Variants in GRM8 observed in about 807,000 individuals in gnomAD.
GRM8 encodes the protein metabotropic glutamate receptor 8.
GRM8 carries 47 observed loss-of-function variants against 87.2 expected under a neutral mutation model. That is an observed-to-expected ratio of 0.54 (90% CI 0.43 to 0.69). The LOEUF (loss-of-function observed/expected upper bound fraction) is 0.69. Ranked by LOEUF, GRM8 falls within the 30% of genes least tolerant of loss-of-function variation. The pLI is 0.00. For missense variants in GRM8, 1,019 were observed against 1,139.2 expected, an observed-to-expected ratio of 0.89 and a Z score of 1.52; for synonymous variants, 396 against 404.5, an observed-to-expected ratio of 0.98 and a Z score of 0.25.
At chr7:126,728,149 G>A (rs548962086) in intron 7 of GRM8, among the ~76,000 whole-genome samples, 154 of 152,170 alleles carry the variant, frequency 1.0e-3, no homozygotes, top group African/African-American at 3.6e-3. Context: ...TATCCGCCAC[G>A]CACCCTCCCC....
At chr7:127,035,391 T>C (rs747467578) in intron 3 of GRM8, among the ~76,000 whole-genome samples, 3 of 152,146 alleles carry the variant, frequency 2.0e-5, no homozygotes, top group Admixed American at 6.5e-5. Context: ...GTAGTTTGCA[T>C]AAATTAACCA....
chr7:126,885,501 T>C (rs1800405606), intron 6 of GRM8, among the ~76,000 whole-genome samples: 1 of 151,750 alleles, frequency 6.6e-6, no homozygotes, highest in Non-Finnish European at 1.5e-5. Flanking sequence ...GTCAGGAGAG[T>C]TCCCTAGCCA....
intron 9 of GRM8, among the ~76,000 whole-genome samples, chr7:126,465,003 A>G (rs1394502823): frequency 6.6e-6 from 1 of 151,664 alleles, no homozygotes; most frequent in Non-Finnish European, 1.5e-5. Flanking sequence ...TTGCACTTTC[A>G]GATTATTTTT....
At chr7:126,867,846 A>G (rs1003927872) in intron 6 of GRM8, among the ~76,000 whole-genome samples, 2 of 152,230 alleles carry the variant, frequency 1.3e-5, no homozygotes, top group African/African-American at 2.4e-5. Context: ...AGTGGGATTC[A>G]AGCAAAGTAA....
chr7:127,093,786 AAT>A (rs1222424373), intron 3 of GRM8, among the ~76,000 whole-genome samples: 4 of 152,198 alleles, frequency 2.6e-5, no homozygotes, highest in Non-Finnish European at 5.9e-5. Context: ...TGGGACCCCC[AAT>A]GAATCATGAA....
At chr7:126,838,103 A>C (rs1246230231) in intron 6 of GRM8, among the ~76,000 whole-genome samples, 1 of 152,230 alleles carries the variant, frequency 6.6e-6, no homozygotes, top group Non-Finnish European at 1.5e-5. Flanking sequence ...CCTTAAACAC[A>C]CTAATCTTAA....
intron 7 of GRM8, among the ~76,000 whole-genome samples, chr7:126,612,537 C>A (rs1021603361): frequency 6.6e-6 from 1 of 152,172 alleles, no homozygotes; most frequent in African/African-American, 2.4e-5. Flanking sequence ...TCCTAACATG[C>A]AATATCGAAG....
chr7:126,896,533 G>A (rs1448113141), intron 6 of GRM8, among the ~76,000 whole-genome samples: 3 of 152,030 alleles, frequency 2.0e-5, no homozygotes, highest in Admixed American at 6.6e-5. Context: ...GAGTGAATAC[G>A]GGAGAGCTTA....
intron 2 of GRM8, among the ~76,000 whole-genome samples, chr7:127,118,774 G>C (rs1826857578): frequency 6.6e-6 from 1 of 152,154 alleles, no homozygotes; most frequent in African/African-American, 2.4e-5. Context: ...TTTTAAATCT[G>C]ATATTAATTC....
At chr7:126,807,224 T>C (rs975700598) in intron 6 of GRM8, among the ~76,000 whole-genome samples, 1 of 152,128 alleles carries the variant, frequency 6.6e-6, no homozygotes, top group Admixed American at 6.5e-5. Flanking sequence ...TTATGTACTG[T>C]CATTGCAGTC....
intron 3 of GRM8, among the ~76,000 whole-genome samples, chr7:126,910,654 T>G (rs1803185888): frequency 6.6e-6 from 1 of 152,196 alleles, no homozygotes; most frequent in Non-Finnish European, 1.5e-5. Context: ...TGCCATGAAT[T>G]AGAATACTAC....
At chr7:126,584,766 A>G (rs527712683) in intron 8 of GRM8, among the ~76,000 whole-genome samples, 1 of 152,286 alleles carries the variant, frequency 6.6e-6, no homozygotes, top group African/African-American at 2.4e-5. Context: ...TAGTCTACCT[A>G]ATAGAATAAA....
intron 3 of GRM8, among the ~76,000 whole-genome samples, chr7:127,081,562 T>G (rs6978939): frequency 0.29 from 43,886 of 152,056 alleles, 7,064 homozygotes; most frequent in African/African-American, 0.43. Flanking sequence ...GAACCCGAAG[T>G]TAGAAACTGT....
chr7:126,899,309 T>C (rs1211876942), intron 6 of GRM8, among the ~76,000 whole-genome samples: 2 of 152,156 alleles, frequency 1.3e-5, no homozygotes, highest in African/African-American at 4.8e-5. Flanking sequence ...TCCAAACCCA[T>C]CTATAAACTG....
At chr7:126,834,589 C>G (rs1370677146) in intron 6 of GRM8, among the ~76,000 whole-genome samples, 1 of 152,082 alleles carries the variant, frequency 6.6e-6, no homozygotes, top group Admixed American at 6.6e-5. Flanking sequence ...AAAAAGTCAT[C>G]AGGAGAACTG....
At chr7:127,066,453 C>G (rs931311616) in intron 3 of GRM8, among the ~76,000 whole-genome samples, 1 of 152,204 alleles carries the variant, frequency 6.6e-6, no homozygotes, top group Middle Eastern at 3.4e-3. Context: ...TTACAAGGTA[C>G]TTTCTCAGAC....
chr7:127,142,952 A>G (rs941114300), intron 2 of GRM8, among the ~76,000 whole-genome samples: 2 of 152,154 alleles, frequency 1.3e-5, no homozygotes, highest in Admixed American at 6.5e-5. Context: ...CACTGTTGAG[A>G]GTAAGGAGAT....
intron 2 of GRM8, among the ~76,000 whole-genome samples, chr7:127,127,679 A>G (rs747116937): frequency 6.6e-6 from 1 of 152,066 alleles, no homozygotes; most frequent in Non-Finnish European, 1.5e-5. Context: ...TAGGTGACGG[A>G]AAAATGCTAT....
intron 2 of GRM8, among the ~76,000 whole-genome samples, chr7:127,139,043 A>C (rs1156927688): frequency 6.6e-6 from 1 of 152,140 alleles, no homozygotes; most frequent in Non-Finnish European, 1.5e-5. Flanking sequence ...GGTCTTCTAT[A>C]ATAATAAGTG....
Sources: allele counts gnomAD v4.1 joint callset (sites outside exome capture counted in the v4.1 genomes callset), GRCh38; gene constraint gnomAD v4.1.1; transcripts MANE v1.5; gene names NCBI Gene and HGNC (gene_info 2026-07-23, HGNC 2026-07-21).